CEP120: variants seen among roughly 807,000 people sequenced by gnomAD.
CEP120 encodes the protein centrosomal protein of 120 kDa.
In CEP120, 113 loss-of-function variants were observed where a neutral mutation model predicts 126.5. That is an observed-to-expected ratio of 0.89 (90% CI 0.77 to 1.04). The LOEUF is 1.04. CEP120 is among the 50% of genes least tolerant of loss of function. CEP120 has a pLI of 0.00. For synonymous variants in CEP120, 400 were observed against 394.3 expected, an observed-to-expected ratio of 1.01 and a Z score of -0.17; for missense variants, 1,230 against 1,155.7, an observed-to-expected ratio of 1.06 and a Z score of -0.93.
At chr5:123,365,422 G>C (rs1472901984) in intron 17 of CEP120, among the ~76,000 whole-genome samples, 1 of 151,642 alleles carries the variant, frequency 6.6e-6, no homozygotes, top group Non-Finnish European at 1.5e-5. Flanking sequence ...TAATCTGCTT[G>C]AATTACAGTA....
intron 18 of CEP120, among the ~76,000 whole-genome samples, chr5:123,356,052 TG>T (rs1769590860): frequency 6.6e-6 from 1 of 152,222 alleles, no homozygotes; most frequent in Non-Finnish European, 1.5e-5. Flanking sequence ...CCCCATTTCC[TG>T]TTTTTGTCAG....
intron 4 of CEP120, among the ~76,000 whole-genome samples, chr5:123,404,685 T>G (rs1773526706): frequency 6.6e-6 from 1 of 152,236 alleles, no homozygotes; most frequent in African/African-American, 2.4e-5. Context: ...ATTAAACTTT[T>G]AGGACAACTA....
Position 123,372,719 on chromosome 5 carries a change from G to A in CEP120, c.2412C>T (p.Phe804=). ...CTGGTTTGTTGTTTTGCTGGTCCTT[G>A]AACTGTTGGAACTCTTTTTCCAAAA... ...YKILEKEFQQ[F]KDQQNNKPEI... Residue 804 remains phenylalanine, a synonymous_variant, in exon 17 of 20, where the codon TTC becomes TTT. Coordinates refer to ENST00000306467, the MANE Select transcript of CEP120 (RefSeq NM_001375405.1). 5 of 1,608,960 alleles carry A rather than the reference G, an allele frequency of 3.1e-6. No individual in the cohort carries two copies. In the South Asian group the frequency reaches 4.4e-5, roughly 14 times the overall value.
intron 2 of CEP120, among the ~76,000 whole-genome samples, chr5:123,417,077 AT>A (rs1057038904): frequency 6.6e-6 from 1 of 152,156 alleles, no homozygotes; most frequent in Admixed American, 6.5e-5. Flanking sequence ...ATCATCACTT[AT>A]AAATTCAATT....
At chr5:123,394,153 A>AATTTGTGTTGATCAATTAAATC (rs2127077847) in intron 5 of CEP120, among the ~76,000 whole-genome samples, 1 of 152,370 alleles carries the variant, frequency 6.6e-6, no homozygotes, top group Admixed American at 6.5e-5. Flanking sequence ...AATAAGCTAT[A>AATTTGTGTTGATCAATTAAATC]AACATTTAAT....
At chr5:123,352,230 G>A (rs938186312) in intron 18 of CEP120, among the ~76,000 whole-genome samples, 9 of 151,798 alleles carry the variant, frequency 5.9e-5, no homozygotes, top group Non-Finnish European at 1.0e-4. Context: ...AGTAGTCTTC[G>A]GCCTGTCTTT....
chr5:123,348,970 T>A (rs1769017236), intron 19 of CEP120, among the ~76,000 whole-genome samples: 2 of 152,144 alleles, frequency 1.3e-5, no homozygotes, highest in Non-Finnish European at 2.9e-5. Context: ...CTGTGGTATT[T>A]TTTTTTAACC....
intron 4 of CEP120, chr5:123,403,246 C>T (rs923175377): frequency 2.2e-6 from 1 of 454,642 alleles, no homozygotes; most frequent in Admixed American, 2.4e-5. Context: ...TTCTAAAAAT[C>T]ATTCTTTACC....
Position 123,346,321 on chromosome 5 carries a change from A to C in CEP120, c.*198T>G. 1 of 453,756 alleles carries C rather than the reference A, an allele frequency of 2.2e-6. No individual in the cohort carries two copies. Among genetic ancestry groups the C allele is most frequent in the Non-Finnish European group, 3.9e-6 (1 of 259,040 alleles). The allele number at this position is 453,756 out of a possible 1,614,324, so 28.1% of individuals were successfully genotyped here. A position where few individuals can be genotyped will look rare whatever the true frequency, so the allele number is the denominator to read the frequency against. On this transcript the variant is annotated 3_prime_UTR_variant, in exon 20 of 20. Coordinates refer to ENST00000306467, the MANE Select transcript of CEP120 (RefSeq NM_001375405.1). ...CATTTAAAATGAGTATATAAATGCA[A>C]ATTACAAATAAAACCAGTGTGGGAG...
At chr5:123,378,516 C>A (rs761030087) in intron 14 of CEP120, 88 bp from the exon 15 acceptor site, 3 of 664,202 alleles carry the variant, frequency 4.5e-6, no homozygotes, top group Non-Finnish European at 7.1e-6. Context: ...CACATCATTT[C>A]ACTGAAACAG....
At chr5:123,401,593 G>A in intron 4 of CEP120, 1 of 1,410,934 alleles carries the variant, frequency 7.1e-7, no homozygotes, top group South Asian at 1.1e-5. Context: ...GGGAGCGGCT[G>A]TTGTCCATGG....
chr5:123,386,552 T>C lies in CEP120; in HGVS notation c.1546A>G (p.Thr516Ala), dbSNP rs926322685. 1.1e-5 allele frequency: 18 copies of C among 1,586,852 alleles called. No homozygotes were observed. Among genetic ancestry groups the C allele is most frequent in the African/African-American group, 6.8e-5 (5 of 73,198 alleles). ...PQSYCAFDFATMPHQLQDTFL... is the reference protein window; with the variant it reads ...PQSYCAFDFAAMPHQLQDTFL... ...GTGTCTTGCAGCTGATGAGGCATAGTTGCAAAATCAAATGCACAGTAAGAC... is the reference window on the plus strand; with the variant it reads ...GTGTCTTGCAGCTGATGAGGCATAGCTGCAAAATCAAATGCACAGTAAGAC... The change falls in exon 10 of 20, where the codon ACT (threonine) becomes GCT (alanine). Residue 516 changes from threonine (T) to alanine (A), a missense_variant. Coordinates refer to ENST00000306467, the MANE Select transcript of CEP120 (RefSeq NM_001375405.1).
chr5:123,409,488 G>C (rs1773895989), intron 4 of CEP120, among the ~76,000 whole-genome samples: 1 of 151,888 alleles, frequency 6.6e-6, no homozygotes, highest in Non-Finnish European at 1.5e-5. Context: ...TCAGGTACAA[G>C]ACAAGGATGT....
At chr5:123,400,421 A>G (rs539605198) in intron 4 of CEP120, among the ~76,000 whole-genome samples, 38 of 152,282 alleles carry the variant, frequency 2.5e-4, no homozygotes, top group African/African-American at 8.2e-4. Context: ...TAAGGCCAAT[A>G]GAGCTTAGAA....
chr5:123,387,812 A>C (rs1274500524), intron 9 of CEP120, among the ~76,000 whole-genome samples: 1 of 152,082 alleles, frequency 6.6e-6, no homozygotes, highest in Non-Finnish European at 1.5e-5. Flanking sequence ...AAAATGTAAC[A>C]TCATTAAAAA....
intron 18 of CEP120, among the ~76,000 whole-genome samples, chr5:123,359,071 T>C (rs1224922885): frequency 6.6e-6 from 1 of 152,060 alleles, no homozygotes; most frequent in African/African-American, 2.4e-5. Flanking sequence ...TTACATCCCA[T>C]GCTTGGCTAA....
In CEP120 at chr5:123,410,015, C is replaced by CA. The variant is rs570759770; in HGVS notation, c.463+2383dup. ...AACCACACACACACACACACACACA[C>CA]AAGTGATTATAGCAAGGTTATAAAA... On this transcript the variant is annotated intron_variant, in intron 4 of 19. Coordinates refer to ENST00000306467, the MANE Select transcript of CEP120 (RefSeq NM_001375405.1). 8.9e-4 allele frequency among the ~76,000 whole-genome samples: 127 copies of CA among 142,872 alleles called. No individual in the cohort carries two copies. The Middle Eastern group carries it at 0.011, about 12-fold the overall frequency. The allele number at this position is 142,872 out of a possible 152,430, so 93.7% of individuals were successfully genotyped here.
chr5:123,353,469 G>A (rs527784148), intron 18 of CEP120, among the ~76,000 whole-genome samples: 2 of 150,592 alleles, frequency 1.3e-5, no homozygotes, highest in Non-Finnish European at 3.0e-5. Flanking sequence ...AATTAATTTT[G>A]TCCTTGTAAG....
At chr5:123,383,126 T>G (rs751915762) in intron 11 of CEP120, 44 bp from the exon 12 acceptor site, 1 of 1,115,530 alleles carries the variant, frequency 9.0e-7, no homozygotes, top group Non-Finnish European at 1.3e-6. Context: ...CAGAAATACT[T>G]TATATTATTT....
Sources: allele counts gnomAD v4.1 joint callset (sites outside exome capture counted in the v4.1 genomes callset), GRCh38; gene constraint gnomAD v4.1.1; transcripts MANE v1.5; gene names NCBI Gene and HGNC (gene_info 2026-07-23, HGNC 2026-07-21).